The following USP4 variants were observed in gnomAD, a reference collection of about 807,000 sequenced individuals.
USP4 encodes the protein ubiquitin specific peptidase 4, also known as ubiquitin carboxyl-terminal hydrolase 4.
A neutral mutation model predicts 118.2 loss-of-function variants in USP4; 72 were observed. The observed-to-expected ratio is 0.61, with a 90% CI of 0.50 to 0.74. The LOEUF (loss-of-function observed/expected upper bound fraction) is 0.74, where lower values mean the gene tolerates loss of function less well. Among genes scored for constraint, USP4 ranks in the 30% least tolerant of loss-of-function variants. The probability of loss-of-function intolerance (pLI) is 0.00; values close to 1 mark genes in which losing one functional copy is unlikely to be tolerated. For synonymous variants in USP4, 415 were observed against 440.4 expected, an observed-to-expected ratio of 0.94 and a Z score of 0.72; for missense variants, 1,037 against 1,185.7, an observed-to-expected ratio of 0.87 and a Z score of 1.84.
At chr3:49,290,971 C>T (rs2047145362) in intron 15 of USP4, among the ~76,000 whole-genome samples, 2 of 151,764 alleles carry the variant, frequency 1.3e-5, no homozygotes, top group South Asian at 4.1e-4. Flanking sequence ...AATCAAGACC[C>T]TACGCTTTTT....
At chr3:49,288,044 A>G (rs2047116762) in intron 15 of USP4, among the ~76,000 whole-genome samples, 1 of 152,210 alleles carries the variant, frequency 6.6e-6, no homozygotes, top group South Asian at 2.1e-4. Context: ...CTTGATCAGT[A>G]AAAATGGAAA....
intron 20 of USP4, among the ~76,000 whole-genome samples, chr3:49,279,634 A>G (rs1385722519): frequency 6.6e-5 from 10 of 152,114 alleles, no homozygotes; most frequent in Non-Finnish European, 1.3e-4. Flanking sequence ...ACTCTCAGAA[A>G]CTACAGAACC....
At chr3:49,316,777 T>C in intron 6 of USP4, 1 of 448,198 alleles carries the variant, frequency 2.2e-6, no homozygotes, top group Non-Finnish European at 4.0e-6. Flanking sequence ...TGAGGGGACC[T>C]CCATGGTGCT....
At chr3:49,329,956 A>ATGTT (rs1215586928) in intron 2 of USP4, among the ~76,000 whole-genome samples, 3 of 152,080 alleles carry the variant, frequency 2.0e-5, no homozygotes, top group Non-Finnish European at 1.5e-5. Context: ...CCTGGCCAAC[A>ATGTT]TGGTGAAACC....
Position 49,305,802 on chromosome 3 carries a change from C to G in USP4, c.1041G>C (p.Met347Ile), listed in dbSNP as rs754962474. The change falls in exon 9 of 22, where the codon ATG becomes ATC. Residue 347 changes from methionine to isoleucine, a missense_variant. Transcript: ENST00000265560. ...CATAGGCTTCTGCAATTTCCCCTTT[C>G]ATCCCCAGAGGGTTGTCTCTGTTGA... Reference protein sequence around the residue: ...AEINRDNPLGMKGEIAEAYAE... With the variant: ...AEINRDNPLGIKGEIAEAYAE... 2 of 1,614,050 alleles carry G rather than the reference C, an allele frequency of 1.2e-6. No homozygotes were observed. Among genetic ancestry groups the G allele is most frequent in the African/African-American group, 2.7e-5 (2 of 74,944 alleles).
At chr3:49,293,799 C>T (rs1271232114) in intron 14 of USP4, among the ~76,000 whole-genome samples, 2 of 152,050 alleles carry the variant, frequency 1.3e-5, no homozygotes, top group African/African-American at 2.4e-5. Flanking sequence ...TCCTAATTTC[C>T]AGCTTCAGAA....
At chr3:49,318,605 A>G (rs75339099) in intron 6 of USP4, 53,958 of 985,300 alleles carry the variant, frequency 0.055, 1,623 homozygotes, top group Non-Finnish European at 0.061. Context: ...AGTGAAAAAA[A>G]GACAATTAAA....
intron 19 of USP4, among the ~76,000 whole-genome samples, chr3:49,282,788 A>C (rs1575599613): frequency 6.7e-6 from 1 of 150,204 alleles, no homozygotes; most frequent in Non-Finnish European, 1.5e-5. Context: ...GCTCACTGCA[A>C]CCTCCGCCTA....
chr3:49,333,194 G>A (rs1198386899), intron 2 of USP4, among the ~76,000 whole-genome samples: 2 of 149,196 alleles, frequency 1.3e-5, no homozygotes, highest in Admixed American at 1.3e-4. Flanking sequence ...GCCCAAGCTG[G>A]AGTGGAGTGC....
chr3:49,334,882 G>A (rs1468872689), intron 2 of USP4, among the ~76,000 whole-genome samples: 2 of 152,110 alleles, frequency 1.3e-5, no homozygotes, highest in African/African-American at 4.8e-5. Context: ...TCTGAAGTCA[G>A]GCAAAAGAAA....
At chr3:49,324,807 C>T in intron 5 of USP4, 44 bp from the exon 6 acceptor site, 1 of 1,613,262 alleles carries the variant, frequency 6.2e-7, no homozygotes, top group South Asian at 1.1e-5. Context: ...CAAACCACCG[C>T]ACTTCCAACA....
At chr3:49,294,793 C>T (rs1294477872) in intron 13 of USP4, among the ~76,000 whole-genome samples, 195 bp from the exon 14 acceptor site, 1 of 152,172 alleles carries the variant, frequency 6.6e-6, no homozygotes, top group Non-Finnish European at 1.5e-5. Flanking sequence ...ATTGTCAGCA[C>T]AATGTGAACC....
rs985847740 is a variant in USP4 at position 49,284,591 on chromosome 3, G to T, written c.2272-7C>A. 3 of 1,612,014 alleles carry T rather than the reference G, an allele frequency of 1.9e-6. No homozygotes were observed. Among genetic ancestry groups the T allele is most frequent in the African/African-American group, 1.3e-5 (1 of 74,968 alleles). ...TCACATGCTTCTCGTAGGCCTATGG[G>T]AATCAAAGCACTCAGTTCTGCTGGA... On this transcript the variant is annotated splice_region_variant and splice_polypyrimidine_tract_variant and intron_variant, in intron 17 of 21. Transcript: ENST00000265560.
intron 6 of USP4, chr3:49,317,275 C>T (rs754182040): frequency 2.6e-5 from 40 of 1,532,994 alleles, no homozygotes; most frequent in South Asian, 3.4e-5. Flanking sequence ...CTCGTTGACG[C>T]GGGCCAGCTT....
intron 8 of USP4, among the ~76,000 whole-genome samples, chr3:49,310,205 G>A (rs973880489): frequency 3.9e-5 from 6 of 152,044 alleles, no homozygotes; most frequent in Admixed American, 6.6e-5. Context: ...GATTACAGGC[G>A]TGAGCCACTG....
At chr3:49,311,830 A>AGACCAGTC in intron 6 of USP4, 176 bp from the exon 7 acceptor site, 1 of 1,311,588 alleles carries the variant, frequency 7.6e-7, no homozygotes, top group Non-Finnish European at 9.8e-7. Context: ...GAGTCCACAA[A>AGACCAGTC]TTAACTGGTC....
At chr3:49,300,877 C>T (rs1009933146) in intron 10 of USP4, among the ~76,000 whole-genome samples, 186 bp from the exon 11 acceptor site, 10 of 152,080 alleles carry the variant, frequency 6.6e-5, no homozygotes, top group South Asian at 4.2e-4. Context: ...GCCAGCTCTA[C>T]GCCCAATCCC....
At position 49,278,325 on chromosome 3, in the gene USP4, C is replaced by T. The variant is rs1436257388; in HGVS notation, c.2860G>A (p.Asp954Asn). Residue 954 changes from aspartate to asparagine, a missense_variant, in exon 22 of 22, where the codon GAT becomes AAT. By Grantham distance (23) the Asp-to-Asn change is conservative. Around this residue, in one of 3 missense-constraint regions of USP4, gnomAD observed 522 missense variants for 592.6 expected, o/e 0.88. Coordinates refer to ENST00000265560, the MANE Select transcript of USP4 (RefSeq NM_003363.4). Reference sequence around the variant, plus strand: ...GTGTCCATGCTGCAAGCCTCATCATCCCCAAAGCCCTGCTGAGAGCTGCTT... The same window carrying T: ...GTGTCCATGCTGCAAGCCTCATCATTCCCAAAGCCCTGCTGAGAGCTGCTT... ...RPSSSQQGFGDDEACSMDTN is the reference protein window; with the variant it reads ...RPSSSQQGFGNDEACSMDTN 1.2e-6 allele frequency: 2 copies of T among 1,613,978 alleles called. No homozygotes were observed. The highest frequency in any genetic ancestry group is 1.7e-5 in the Admixed American group (1 of 59,968).
At chr3:49,292,669 CG>C in intron 14 of USP4, 71 bp from the exon 15 acceptor site, 1 of 1,095,634 alleles carries the variant, frequency 9.1e-7, no homozygotes, top group Non-Finnish European at 1.3e-6. Flanking sequence ...TTCCACCATG[CG>C]GCTAAGAAGT....
Sources: gnomAD v4.1 joint callset for allele counts (sites outside exome capture counted in the v4.1 genomes callset) on GRCh38, gnomAD v4.1.1 for gene constraint, gnomAD v4.1.1 regional missense constraint, MANE v1.5 for transcripts, NCBI Gene and HGNC (gene_info 2026-07-23, HGNC 2026-07-21) for gene names.